SF1: variants seen among roughly 807,000 people sequenced by gnomAD.
The protein encoded by SF1 is splicing factor 1.
Under a neutral mutation model 62.5 loss-of-function variants are expected in SF1, and 7 were observed. The ratio of observed to expected loss-of-function variants is 0.11; its 90% CI spans 0.06 to 0.21. The LOEUF is 0.21. Ranked by LOEUF, SF1 falls within the 10% of genes least tolerant of loss-of-function variation. SF1 has a pLI of 1.00. For missense variants in SF1, 578 were observed against 884.0 expected, an observed-to-expected ratio of 0.65 and a Z score of 4.39; for synonymous variants, 394 against 323.6, an observed-to-expected ratio of 1.22 and a Z score of -2.33.
Position 64,766,030 on chromosome 11 carries a change from G to A in SF1, c.1708C>T (p.Pro570Ser), listed in dbSNP as rs2058637625. Reference sequence around the variant, plus strand: ...GGCAGAGGCGGCTGGACCCCGGGGGGCAGGGGCACCATAGTGGGGTTGCCT... The same window carrying A: ...GGCAGAGGCGGCTGGACCCCGGGGGACAGGGGCACCATAGTGGGGTTGCCT... The part of the protein sequence containing the change: ...MQGNPTMVPL[P>S]PGVQPPLPPG... Residue 570 changes from proline to serine, a missense_variant, in exon 13 of 13, where the codon CCC (proline) becomes TCC (serine). By Grantham distance (74) the Pro-to-Ser change is moderately conservative (BLOSUM62 -1). Around this residue, in one of 7 missense-constraint regions of SF1, gnomAD observed 410 missense variants for 452.4 expected, o/e 0.91. Coordinates refer to ENST00000377390, the MANE Select transcript of SF1 (RefSeq NM_004630.4). 3.7e-6 allele frequency: 6 copies of A among 1,609,364 alleles called. No homozygotes were observed. The highest frequency in any genetic ancestry group is 2.2e-5 in the South Asian group (2 of 90,966).
rs779453763 is a variant in SF1, at chr11:64,767,054, G to A, written c.1428C>T (p.Gly476=). The part of the protein sequence containing the change: ...GKGMMPPPPM[G]MMPPPPPPPS... ...GAGGCGGCGGCGGCGGCGGCATCATGCCCATAGGTGGTGGCGGCATCATAC... is the reference window on the plus strand; with the variant it reads ...GAGGCGGCGGCGGCGGCGGCATCATACCCATAGGTGGTGGCGGCATCATAC... The change falls in exon 12 of 13, where the codon GGC becomes GGT. Residue 476 remains glycine, a synonymous_variant. Coordinates refer to ENST00000377390, the MANE Select transcript of SF1 (RefSeq NM_004630.4). The A allele has an allele frequency of 1.9e-6, 3 of 1,576,378 alleles. No homozygotes were observed. The highest frequency in any genetic ancestry group is 2.6e-6 in the Non-Finnish European group (3 of 1,158,806).
intron 2 of SF1, among the ~76,000 whole-genome samples, chr11:64,774,542 G>A (rs1329355001): frequency 6.6e-6 from 1 of 152,198 alleles, no homozygotes; most frequent in Non-Finnish European, 1.5e-5. Context: ...TTAAAACTGA[G>A]CTGGCTCCAA....
chr11:64,770,590 C>T (rs1164148305), intron 3 of SF1, 182 bp from the exon 4 acceptor site: 2 of 622,502 alleles, frequency 3.2e-6, no homozygotes, highest in Admixed American at 3.1e-5. Context: ...GCTGGCTTAA[C>T]GTTAGGGGTC....
In SF1 at chr11:64,778,460, C is replaced by T. The variant is rs1024585840; in HGVS notation, c.-68G>A. On this transcript the variant is annotated 5_prime_UTR_variant, in exon 1 of 13. Coordinates refer to ENST00000377390, the MANE Select transcript of SF1 (RefSeq NM_004630.4). ...GGCGGCTTCTCCTTCGCAAGCCTCC[C>T]GGGGGGAGGGGACCCGAATGCGCTG... The T allele has an allele frequency of 2.5e-6, 3 of 1,209,134 alleles. No homozygotes were observed. Among genetic ancestry groups the T allele is most frequent in the East Asian group, 6.7e-5 (2 of 29,904 alleles). The allele number at this position is 1,209,134 out of a possible 1,614,324, so 74.9% of individuals were successfully genotyped here.
At chr11:64,778,068 G>C (rs1488204223) in intron 1 of SF1, 16 of 990,136 alleles carry the variant, frequency 1.6e-5, no homozygotes, top group Non-Finnish European at 1.9e-5. Flanking sequence ...GACACGCGCT[G>C]GTAGAGCGGC....
Position 64,768,835 on chromosome 11 carries a change from GACAA to G in SF1, c.887+183_887+186del, listed in dbSNP as rs549242189. Among the ~76,000 whole-genome samples, 62 of 152,160 alleles carry G rather than the reference GACAA, an allele frequency of 4.1e-4. 1 individual carries two copies. Among genetic ancestry groups the G allele is most frequent in the Non-Finnish European group, 1.8e-4 (12 of 68,022 alleles). Reference sequence around the variant, plus strand: ...AAACTTCCAGTTTTCTTGGGCTCAAGACAAACAAACAGGGGTATCTGTACAGCCT... The same window carrying G: ...AAACTTCCAGTTTTCTTGGGCTCAAGACAAACAGGGGTATCTGTACAGCCT... On this transcript the variant is annotated intron_variant, in intron 8 of 12. Transcript: ENST00000377390.
At chr11:64,772,495 T>C in intron 3 of SF1, 1 of 984,866 alleles carries the variant, frequency 1.0e-6, no homozygotes, top group Non-Finnish European at 1.2e-6. Flanking sequence ...CATGAGTGAG[T>C]GACTTCTAAA....
chr11:64,775,935 C>T (rs1420744773), intron 2 of SF1: 1 of 155,774 alleles, frequency 6.4e-6, no homozygotes, highest in African/African-American at 2.4e-5. Flanking sequence ...TCTCCATAGA[C>T]CAAACCAGAA....
chr11:64,771,066 C>T (rs191845849), intron 3 of SF1, among the ~76,000 whole-genome samples: 3 of 152,264 alleles, frequency 2.0e-5, no homozygotes, highest in East Asian at 3.9e-4. Flanking sequence ...TAGAGAAAAA[C>T]GTTAAAGTGC....
In SF1 at chr11:64,768,123, TGGC is replaced by T; in HGVS notation, c.1048_1050del (p.Ala350del). On this transcript the variant is annotated inframe_deletion, in exon 9 of 13. Transcript: ENST00000377390. ...AGGCTCACCGGTGGAGGTGGGTTGTTGGCGGGAGCAGCAGGACGAGGTGCGCTG... is the reference window on the plus strand; with the variant it reads ...AGGCTCACCGGTGGAGGTGGGTTGTTGGGAGCAGCAGGACGAGGTGCGCTG... 1 of 1,610,722 alleles carries T rather than the reference TGGC, an allele frequency of 6.2e-7. No homozygotes were observed. Among genetic ancestry groups the T allele is most frequent in the East Asian group, 2.2e-5 (1 of 44,748 alleles).
chr11:64,775,953 TGAAGG>T (rs1258294545), intron 2 of SF1: 1 of 156,244 alleles, frequency 6.4e-6, no homozygotes, highest in African/African-American at 2.4e-5. Flanking sequence ...GAAAAGATGT[TGAAGG>T]GAAGGTTAAA....
chr11:64,766,042 T>C lies in SF1; in HGVS notation c.1696A>G (p.Met566Val), dbSNP rs1356855433. 4 of 1,610,600 alleles carry C rather than the reference T, an allele frequency of 2.5e-6. No individual in the cohort carries two copies. Among genetic ancestry groups the C allele is most frequent in the East Asian group, 2.2e-5 (1 of 44,824 alleles). The part of the protein sequence containing the change: ...GAPQMQGNPT[M>V]VPLPPGVQPP... Reference sequence around the variant, plus strand: ...TGGACCCCGGGGGGCAGGGGCACCATAGTGGGGTTGCCTTGCATCTGAGGG... The same window carrying C: ...TGGACCCCGGGGGGCAGGGGCACCACAGTGGGGTTGCCTTGCATCTGAGGG... The change falls in exon 13 of 13, where the codon ATG becomes GTG. Residue 566 changes from methionine to valine, a missense_variant. This residue lies in a region of SF1 where 410 missense variants were observed against 452.4 expected (regional missense o/e 0.91). Coordinates refer to ENST00000377390, the MANE Select transcript of SF1 (RefSeq NM_004630.4).
chr11:64,777,387 A>C, intron 1 of SF1: 1 of 523,908 alleles, frequency 1.9e-6, no homozygotes, highest in South Asian at 8.3e-5. Flanking sequence ...GCAGCCGATC[A>C]GACTGAGATC....
At chr11:64,766,235 C>T (rs987577534) in intron 12 of SF1, 80 bp from the exon 13 acceptor site, 1 of 650,104 alleles carries the variant, frequency 1.5e-6, no homozygotes, top group Non-Finnish European at 2.2e-6. Context: ...GGGATGGGGG[C>T]GAGGGGCGCC....
In SF1 at chr11:64,773,348, G is replaced by C. The variant is rs962249162; in HGVS notation, c.236+82C>G. 2.6e-6 allele frequency: 4 copies of C among 1,558,172 alleles called. No individual in the cohort carries two copies. In the African/African-American group the frequency reaches 4.1e-5, roughly 16 times the overall value. On this transcript the variant is annotated intron_variant, in intron 3 of 12. Coordinates refer to ENST00000377390, the MANE Select transcript of SF1 (RefSeq NM_004630.4). Reference sequence around the variant, plus strand: ...CGTCATACTATGATTTTATTGAACTGACACAATATGTTGCCACCAGTAAAA... The same window carrying C: ...CGTCATACTATGATTTTATTGAACTCACACAATATGTTGCCACCAGTAAAA...
chr11:64,769,069 G>A lies in SF1; in HGVS notation c.840C>T (p.Thr280=). ...TRSITNTTVC[T]KCGGAGHIAS... is the part of the protein sequence containing the mutation. ...CAATGTGGCCAGCCCCTCCACACTT[G>A]GTACACACTGTGGTGTTGGTAATGC... The change falls in exon 8 of 13, where the codon ACC becomes ACT. Residue 280 remains threonine, a synonymous_variant. Transcript: ENST00000377390. The A allele has an allele frequency of 1.2e-6, 2 of 1,614,028 alleles. No individual in the cohort carries two copies. Among genetic ancestry groups the A allele is most frequent in the East Asian group, 2.2e-5 (1 of 44,884 alleles).
At chr11:64,767,543 C>CA (rs769456586) in intron 10 of SF1, 28 bp downstream of exon 10, 1 of 1,526,286 alleles carries the variant, frequency 6.6e-7, no homozygotes, top group Non-Finnish European at 8.8e-7. Flanking sequence ...CCAAAGCCCC[C>CA]AAGGTTTCTG....
rs2135871678 is a variant in SF1 at position 64,765,821 on chromosome 11, G to A, written c.1917C>T (p.Asn639=). The A allele has an allele frequency of 1.3e-6, 2 of 1,547,810 alleles. No homozygotes were observed. Among genetic ancestry groups the A allele is most frequent in the Non-Finnish European group, 1.7e-6 (2 of 1,146,580 alleles). Residue 639 remains asparagine, a synonymous_variant, in exon 13 of 13, where the codon AAC becomes AAT. Coordinates refer to ENST00000377390, the MANE Select transcript of SF1 (RefSeq NM_004630.4). ...PPAPPPPPPQ[N] is the part of the protein sequence containing the mutation. ...TATATTTTCTTAAAAAACAAGTCTA[G>A]TTCTGTGGTGGAGGCGGTGGGGGAG...
In SF1 at chr11:64,778,536, G is replaced by C; in HGVS notation, c.-144C>G. 2 of 1,195,916 alleles carry C rather than the reference G, an allele frequency of 1.7e-6. No individual in the cohort carries two copies. The highest frequency in any genetic ancestry group is 3.5e-5 in the East Asian group (1 of 28,948). 74.1% of individuals were successfully genotyped at this position (1,195,916 alleles called of 1,614,324 possible). On this transcript the variant is annotated 5_prime_UTR_variant, in exon 1 of 13. Transcript: ENST00000377390. Reference sequence around the variant, plus strand: ...CACGCGGCGGGCGGCGGCGGCGCGAGACGCACAAAGAGGGAGGAGAGAGGG... The same window carrying C: ...CACGCGGCGGGCGGCGGCGGCGCGACACGCACAAAGAGGGAGGAGAGAGGG...
Sources: allele counts gnomAD v4.1 joint callset (sites outside exome capture counted in the v4.1 genomes callset), GRCh38; gene constraint gnomAD v4.1.1; regional missense constraint gnomAD v4.1.1; transcripts MANE v1.5; gene names NCBI Gene and HGNC (gene_info 2026-07-23, HGNC 2026-07-21).